The following NOX4 variants were observed in gnomAD, a reference collection of about 807,000 sequenced individuals.
The protein encoded by NOX4 is kidney oxidase-1.
A neutral mutation model predicts 87.6 loss-of-function variants in NOX4; 69 were observed. The observed-to-expected ratio is 0.79, with a 90% CI of 0.65 to 0.96. The LOEUF (loss-of-function observed/expected upper bound fraction) is 0.96. NOX4 is among the 40% of genes least tolerant of loss of function. NOX4 has a pLI of 0.00. For missense variants in NOX4, 680 were observed against 681.5 expected, an observed-to-expected ratio of 1.00 and a Z score of 0.02; for synonymous variants, 275 against 238.2, an observed-to-expected ratio of 1.15 and a Z score of -1.42.
At chr11:89,352,922 C>A (rs1036018422) in intron 13 of NOX4, among the ~76,000 whole-genome samples, 2 of 152,148 alleles carry the variant, frequency 1.3e-5, no homozygotes, top group African/African-American at 4.8e-5. Flanking sequence ...TCGGTTCAAG[C>A]AATTCTCCTG....
chr11:89,337,678 T>C (rs187566130), intron 15 of NOX4, among the ~76,000 whole-genome samples, 163 bp from the exon 16 acceptor site: 36 of 152,172 alleles, frequency 2.4e-4, no homozygotes, highest in African/African-American at 8.4e-4. Flanking sequence ...CACAGAAATA[T>C]ATATAACAGA....
intron 11 of NOX4, among the ~76,000 whole-genome samples, chr11:89,384,217 C>T (rs1202913420): frequency 6.6e-6 from 1 of 152,070 alleles, no homozygotes; most frequent in Admixed American, 6.6e-5. Flanking sequence ...CCCTCTACAA[C>T]CCATTATTCT....
At chr11:89,438,893 T>C (rs1591255859) in intron 6 of NOX4, among the ~76,000 whole-genome samples, 1 of 54,840 alleles carries the variant, frequency 1.8e-5, no homozygotes, top group African/African-American at 1.1e-4. Context: ...ATATATTATA[T>C]ATTATATATA....
intron 12 of NOX4, among the ~76,000 whole-genome samples, chr11:89,372,303 C>T (rs1270004646): frequency 1.3e-5 from 2 of 151,978 alleles, no homozygotes; most frequent in Admixed American, 1.3e-4. Context: ...TTCAAAAATT[C>T]CCTAAAGTCC....
chr11:89,400,965 A>T (rs1459641236), intron 9 of NOX4, among the ~76,000 whole-genome samples: 2 of 152,012 alleles, frequency 1.3e-5, no homozygotes, highest in Non-Finnish European at 2.9e-5. Context: ...TAATATTTAT[A>T]ATTTGGAAAC....
chr11:89,488,775 C>T (rs910897457), intron 2 of NOX4: 13 of 444,406 alleles, frequency 2.9e-5, no homozygotes, highest in South Asian at 1.7e-4. Flanking sequence ...CACTGAAAAA[C>T]GTCCTATTCA....
chr11:89,560,022 G>A, the NOX4 span, among the ~76,000 whole-genome samples: 2 of 152,060 alleles, frequency 1.3e-5, no homozygotes, highest in Non-Finnish European at 2.9e-5. Context: ...TGGAAGTTGG[G>A]TCTTTGCAGG....
At chr11:89,413,118 C>T (rs1270865100) in intron 8 of NOX4, among the ~76,000 whole-genome samples, 1 of 152,084 alleles carries the variant, frequency 6.6e-6, no homozygotes, top group African/African-American at 2.4e-5. Flanking sequence ...AGTAAAACTA[C>T]AATGCGATAT....
chr11:89,552,513 A>G, the NOX4 span, among the ~76,000 whole-genome samples: 1 of 152,158 alleles, frequency 6.6e-6, no homozygotes, highest in African/African-American at 2.4e-5. Context: ...TCCTTTCTTC[A>G]GATCTGCCCA....
At chr11:89,529,423 T>C in the NOX4 span, among the ~76,000 whole-genome samples, 1 of 152,170 alleles carries the variant, frequency 6.6e-6, no homozygotes, top group East Asian at 1.9e-4. Flanking sequence ...AGAAACTCAG[T>C]GAAGTAGCCT....
At chr11:89,516,247 A>G in the NOX4 span, among the ~76,000 whole-genome samples, 1 of 152,094 alleles carries the variant, frequency 6.6e-6, no homozygotes, top group African/African-American at 2.4e-5. Flanking sequence ...TCAAAATACA[A>G]TGTTACAGTT....
the NOX4 span, among the ~76,000 whole-genome samples, chr11:89,579,665 G>C: frequency 6.6e-6 from 1 of 151,814 alleles, no homozygotes; most frequent in African/African-American, 2.4e-5. Context: ...ATATAAAATT[G>C]GTTTATCAAC....
At chr11:89,467,349 C>CAAAAAAAAAAAAAAAAAAAAAA (rs71052233) in intron 2 of NOX4, among the ~76,000 whole-genome samples, 1 of 61,424 alleles carries the variant, frequency 1.6e-5, no homozygotes, top group African/African-American at 5.7e-5. Context: ...AAACTCGTCA[C>CAAAAAAAAAAAAAAAAAAAAAA]AAAAAAAAAA....
chr11:89,470,136 A>C (rs1223875051), intron 2 of NOX4, among the ~76,000 whole-genome samples: 2 of 152,140 alleles, frequency 1.3e-5, no homozygotes, highest in Non-Finnish European at 1.5e-5. Context: ...GTATATATTA[A>C]GTGAGCATAT....
At chr11:89,522,086 A>G in the NOX4 span, among the ~76,000 whole-genome samples, 6 of 152,312 alleles carry the variant, frequency 3.9e-5, no homozygotes, top group African/African-American at 1.2e-4. Flanking sequence ...GGGAATGTCA[A>G]TTTGTTCAGC....
chr11:89,489,371 A>T (rs974234499), intron 2 of NOX4, among the ~76,000 whole-genome samples: 3 of 152,080 alleles, frequency 2.0e-5, no homozygotes, highest in African/African-American at 7.2e-5. Context: ...CAAAATGCAA[A>T]ATCTATTTTT....
intron 2 of NOX4, among the ~76,000 whole-genome samples, chr11:89,470,653 C>T (rs1945892252): frequency 6.6e-6 from 1 of 152,078 alleles, no homozygotes; most frequent in Non-Finnish European, 1.5e-5. Flanking sequence ...TGGAACAGCA[C>T]CCAATTAAAG....
At chr11:89,575,911 T>A in the NOX4 span, among the ~76,000 whole-genome samples, 6 of 152,236 alleles carry the variant, frequency 3.9e-5, no homozygotes, top group African/African-American at 1.4e-4. Flanking sequence ...AGTTCATTAA[T>A]ATCTAAAACA....
At chr11:89,423,568 C>G (rs894878316) in intron 7 of NOX4, among the ~76,000 whole-genome samples, 2 of 152,076 alleles carry the variant, frequency 1.3e-5, no homozygotes, top group South Asian at 2.1e-4. Context: ...AAGTCCCATT[C>G]TCTTTTAAGT....
Sources: allele counts gnomAD v4.1 joint callset (sites outside exome capture counted in the v4.1 genomes callset), GRCh38; gene constraint gnomAD v4.1.1; transcripts MANE v1.5; gene names NCBI Gene and HGNC (gene_info 2026-07-23, HGNC 2026-07-21).